Variants in EIF3M observed in about 807,000 individuals in gnomAD.
EIF3M encodes eukaryotic translation initiation factor 3 subunit M.
Under a neutral mutation model 49.7 loss-of-function variants are expected in EIF3M, and 25 were observed. That is an observed-to-expected ratio of 0.50 (90% CI 0.37 to 0.70). The LOEUF is 0.70. Among genes scored for constraint, EIF3M ranks in the 30% least tolerant of loss-of-function variants. The pLI is 0.00. For synonymous variants in EIF3M, 156 were observed against 149.8 expected (o/e 1.04, Z -0.30); for missense variants, 350 against 440.0 (o/e 0.80, Z 1.83).
At position 32,602,488 on chromosome 11, in the gene EIF3M, A is replaced by G; in HGVS notation, c.*89A>G. ...AACTAAAAAAATTTGCCTAGTCTGG[A>G]CAGTTATTGTCTCAAATTTATACTA... On this transcript the variant is annotated 3_prime_UTR_variant, in exon 11 of 11. Coordinates refer to ENST00000531120, the MANE Select transcript of EIF3M (RefSeq NM_006360.6). The G allele has an allele frequency of 7.0e-7, 1 of 1,438,516 alleles. No homozygotes were observed. Among genetic ancestry groups the G allele is most frequent in the South Asian group, 1.4e-5 (1 of 69,842 alleles). 89.1% of individuals were successfully genotyped at this position (1,438,516 alleles called of 1,614,324 possible).
intron 5 of EIF3M, among the ~76,000 whole-genome samples, chr11:32,590,652 T>C (rs1407882038): frequency 6.6e-6 from 1 of 152,224 alleles, no homozygotes; most frequent in East Asian, 1.9e-4. Context: ...GGGATACTTG[T>C]TTAAACACGA....
intron 2 of EIF3M, 47 bp downstream of exon 2, chr11:32,587,191 A>G: frequency 6.6e-7 from 1 of 1,516,178 alleles, no homozygotes; most frequent in Non-Finnish European, 8.9e-7. Flanking sequence ...AATCTTTTAA[A>G]TTTTTCTTGT....
chr11:32,589,404 G>C, intron 4 of EIF3M, 143 bp from the exon 5 acceptor site: 2 of 875,566 alleles, frequency 2.3e-6, no homozygotes, highest in South Asian at 3.5e-5. Context: ...TCGAACTCCC[G>C]ACTTCAGTTG....
At chr11:32,598,332 T>C (rs576694175) in intron 8 of EIF3M, among the ~76,000 whole-genome samples, 5 of 152,230 alleles carry the variant, frequency 3.3e-5, no homozygotes, top group Non-Finnish European at 7.4e-5. Context: ...CTTTTTTTAT[T>C]ACTGCATTAA....
intron 7 of EIF3M, among the ~76,000 whole-genome samples, chr11:32,595,726 A>G (rs1565049579): frequency 6.6e-6 from 1 of 152,244 alleles, no homozygotes; most frequent in African/African-American, 2.4e-5. Flanking sequence ...CTATGCCATT[A>G]GCCATCATCT....
intron 8 of EIF3M, among the ~76,000 whole-genome samples, chr11:32,597,148 A>ATGG (rs1208678821): frequency 6.6e-6 from 1 of 152,224 alleles, no homozygotes; most frequent in African/African-American, 2.4e-5. Context: ...TTTGATCATA[A>ATGG]TGGTAACTTT....
In EIF3M at chr11:32,596,075, C is replaced by T. The variant is rs368024138; in HGVS notation, c.799+28C>T. The T allele has an allele frequency of 1.5e-5, 22 of 1,494,886 alleles. No homozygotes were observed. In the African/African-American group the frequency reaches 2.7e-4, roughly 18 times the overall value. The allele number at this position is 1,494,886 out of a possible 1,614,324, so 92.6% of individuals were successfully genotyped here. ...AAGTTTTGGGGTTTATTCTTTGAGG[C>T]ACAGAGGTGGGAACATGATACACTA... On this transcript the variant is annotated intron_variant, in intron 8 of 10. Coordinates refer to ENST00000531120, the MANE Select transcript of EIF3M (RefSeq NM_006360.6).
At position 32,594,998 on chromosome 11, in the gene EIF3M, C is replaced by T. The variant is rs1855158053; in HGVS notation, c.702C>T (p.Gly234=). 3 of 1,613,150 alleles carry T rather than the reference C, an allele frequency of 1.9e-6. No homozygotes were observed. The highest frequency in any genetic ancestry group is 1.3e-5 in the African/African-American group (1 of 74,984). The change falls in exon 7 of 11, where the codon GGC becomes GGT. Residue 234 remains glycine, a synonymous_variant. Transcript: ENST00000531120. ...TAAAACCAGTCAAGTTTTTGGAAGG[C>T]GAGCTTATTCATGATGTAAGTAGTT... ...LTLKPVKFLE[G]ELIHDLLTIF... is the part of the protein sequence containing the mutation.
chr11:32,600,334 A>G (rs2133203886), intron 8 of EIF3M, among the ~76,000 whole-genome samples: 1 of 151,696 alleles, frequency 6.6e-6, no homozygotes, highest in South Asian at 2.1e-4. Context: ...AACTAAATAG[A>G]AATTGTTCTT....
rs930174142 is a variant in EIF3M at position 32,602,518 on chromosome 11, C to A, written c.*119C>A. On this transcript the variant is annotated 3_prime_UTR_variant, in exon 11 of 11. Transcript: ENST00000531120. ...TATTGTCTCAAATTTATACTAAAAT[C>A]ACAAACTCCAGAGGATATGAAGTAA... 4.2e-6 allele frequency: 5 copies of A among 1,202,718 alleles called. No homozygotes were observed. Among genetic ancestry groups the A allele is most frequent in the Non-Finnish European group, 5.7e-6 (5 of 882,880 alleles). The allele number at this position is 1,202,718 out of a possible 1,614,324, so 74.5% of individuals were successfully genotyped here. A position where few individuals can be genotyped will look rare whatever the true frequency, so the allele number is the denominator to read the frequency against.
chr11:32,589,278 G>C, intron 4 of EIF3M, 143 bp downstream of exon 4: 1 of 1,286,936 alleles, frequency 7.8e-7, no homozygotes, highest in Non-Finnish European at 1.1e-6. Flanking sequence ...CAGGGTTCAA[G>C]CAGTTCTCCT....
rs1855311728 is a variant in EIF3M at position 32,603,977 on chromosome 11, G to C, written c.*1578G>C. On this transcript the variant is annotated 3_prime_UTR_variant, in exon 11 of 11. Transcript: ENST00000531120. Reference sequence around the variant, plus strand: ...AGCTCCTCGGAGGGCTGAGGTGCAAGGATCATTTGAGCCCAGGAGGTGAAG... The same window carrying C: ...AGCTCCTCGGAGGGCTGAGGTGCAACGATCATTTGAGCCCAGGAGGTGAAG... The C allele has an allele frequency of 6.6e-6, 1 of 152,220 alleles. No homozygotes were observed. Among genetic ancestry groups the C allele is most frequent in the South Asian group, 2.1e-4 (1 of 4,832 alleles). The allele number at this position is 152,220 out of a possible 1,614,324, so 9.4% of individuals were successfully genotyped here.
chr11:32,598,844 G>GA (rs1855217317), intron 8 of EIF3M, among the ~76,000 whole-genome samples: 1 of 151,674 alleles, frequency 6.6e-6, no homozygotes, highest in Admixed American at 6.6e-5. Context: ...AGGAATTTTT[G>GA]AAAAAAATCT....
chr11:32,583,841 C>A lies in EIF3M; in HGVS notation c.-47C>A, dbSNP rs749673233. 2 of 1,601,026 alleles carry A rather than the reference C, an allele frequency of 1.2e-6. No individual in the cohort carries two copies. The highest frequency in any genetic ancestry group is 2.2e-5 in the South Asian group (2 of 90,054). The stretch of plus-strand genomic sequence containing the variant: ...GCGCGGCCCAGTTCCCTTTTCCGGT[C>A]GGCGTGGTCTTGCGAGTGGAGTGTC... On this transcript the variant is annotated 5_prime_UTR_variant, in exon 1 of 11. Coordinates refer to ENST00000531120, the MANE Select transcript of EIF3M (RefSeq NM_006360.6).
At chr11:32,595,050 C>G (rs777001290) in intron 7 of EIF3M, 37 bp downstream of exon 7, 1 of 1,576,526 alleles carries the variant, frequency 6.3e-7, no homozygotes, top group South Asian at 1.1e-5. Flanking sequence ...AAATGTTCTC[C>G]TTTCCTAAAT....
At chr11:32,598,883 T>C (rs1855218082) in intron 8 of EIF3M, among the ~76,000 whole-genome samples, 1 of 152,056 alleles carries the variant, frequency 6.6e-6, no homozygotes, top group African/African-American at 2.4e-5. Flanking sequence ...TAAGAAAAAA[T>C]TCGTTAACAT....
chr11:32,587,708 G>A (rs201880), intron 2 of EIF3M, among the ~76,000 whole-genome samples: 114,797 of 152,202 alleles, frequency 0.75, 44,470 homozygotes, highest in African/African-American at 0.86. Context: ...ATGGGATACA[G>A]TTTCAAGTAA....
intron 9 of EIF3M, 81 bp from the exon 10 acceptor site, chr11:32,601,677 GCTTA>G (rs1342532011): frequency 7.9e-7 from 1 of 1,262,778 alleles, no homozygotes; most frequent in South Asian, 1.3e-5. Context: ...TTTTATTATG[GCTTA>G]CTTGGTCACA....
chr11:32,587,101 A>G lies in EIF3M; in HGVS notation c.132A>G (p.Gln44=). Reference sequence around the variant, plus strand: ...GTGGACTTCATGTTGATTTAGCTCAAATTATTGAAGCCTGTGATGTGTGTC... The same window carrying G: ...GTGGACTTCATGTTGATTTAGCTCAGATTATTGAAGCCTGTGATGTGTGTC... ...SEGGLHVDLA[Q]IIEACDVCLK... Residue 44 remains glutamine (Q), a synonymous_variant, in exon 2 of 11, where the codon CAA becomes CAG. Transcript: ENST00000531120. 1.9e-6 allele frequency: 3 copies of G among 1,612,848 alleles called. No homozygotes were observed. Among genetic ancestry groups the G allele is most frequent in the Non-Finnish European group, 2.5e-6 (3 of 1,179,008 alleles).
Sources: gnomAD v4.1 joint callset for allele counts (sites outside exome capture counted in the v4.1 genomes callset) on GRCh38, gnomAD v4.1.1 for gene constraint, MANE v1.5 for transcripts, NCBI Gene and HGNC (gene_info 2026-07-23, HGNC 2026-07-21) for gene names.